The following FAM83F variants were observed in gnomAD, a reference collection of about 807,000 sequenced individuals.
FAM83F encodes the protein protein FAM83F.
FAM83F carries 45 observed loss-of-function variants against 42.9 expected under a neutral mutation model. That is an observed-to-expected ratio of 1.05 (90% CI 0.83 to 1.35). The LOEUF (loss-of-function observed/expected upper bound fraction) is 1.35, where lower values mean the gene tolerates loss of function less well. Among genes scored for constraint, FAM83F ranks in the 40% most tolerant of loss-of-function variants. FAM83F has a pLI of 0.00. For synonymous variants in FAM83F, 306 were observed against 298.3 expected, an observed-to-expected ratio of 1.03 and a Z score of -0.27; for missense variants, 617 against 695.9, an observed-to-expected ratio of 0.89 and a Z score of 1.28.
At chr22:40,020,775 G>A (rs1262418419) in intron 3 of FAM83F, among the ~76,000 whole-genome samples, 2 of 152,180 alleles carry the variant, frequency 1.3e-5, no homozygotes, top group African/African-American at 4.8e-5. Context: ...ACATGAAACA[G>A]TGAATAGCAG....
Position 40,042,294 on chromosome 22 carries a change from T to C in FAM83F, c.*12729T>C, listed in dbSNP as rs1285829523. Reference sequence around the variant, plus strand: ...GGAGGGAAGGCACAATGAGGTGGAGTGGACAAATTGCTGAGGCCTTTATGG... The same window carrying C: ...GGAGGGAAGGCACAATGAGGTGGAGCGGACAAATTGCTGAGGCCTTTATGG... On this transcript the variant is annotated 3_prime_UTR_variant, in exon 5 of 5. Transcript: ENST00000333407. The C allele has an allele frequency of 6.6e-6, 1 of 152,104 alleles. No homozygotes were observed. Among genetic ancestry groups the C allele is most frequent in the African/African-American group, 2.4e-5 (1 of 41,402 alleles). 9.4% of individuals were successfully genotyped at this position (152,104 alleles called of 1,614,324 possible). A position where few individuals can be genotyped will look rare whatever the true frequency, so the allele number is the denominator to read the frequency against.
chr22:40,040,728 A>G lies in FAM83F; in HGVS notation c.*11163A>G, dbSNP rs770523217. 6.6e-6 allele frequency: 1 copy of G among 152,224 alleles called. No homozygotes were observed. The highest frequency in any genetic ancestry group is 6.5e-5 in the Admixed American group (1 of 15,274). 9.4% of individuals were successfully genotyped at this position (152,224 alleles called of 1,614,324 possible). On this transcript the variant is annotated 3_prime_UTR_variant, in exon 5 of 5. Coordinates refer to ENST00000333407, the MANE Select transcript of FAM83F (RefSeq NM_138435.4). The stretch of plus-strand genomic sequence containing the variant: ...GCCTCATTGCTCTTGGTCTTTGGCA[A>G]TGGCTACACCCACTGCCCAAGCAAG...
intron 1 of FAM83F, among the ~76,000 whole-genome samples, chr22:39,997,130 A>T (rs1232889178): frequency 6.6e-6 from 1 of 152,234 alleles, no homozygotes; most frequent in Non-Finnish European, 1.5e-5. Flanking sequence ...TTCCATAGCT[A>T]GTAAGTGGCT....
In FAM83F at chr22:40,032,742, T is replaced by A. The variant is rs977012463; in HGVS notation, c.*3177T>A. 1.1e-4 allele frequency: 16 copies of A among 151,928 alleles called. No individual in the cohort carries two copies. The highest frequency in any genetic ancestry group is 3.1e-4 in the African/African-American group (13 of 41,346). 9.4% of individuals were successfully genotyped at this position (151,928 alleles called of 1,614,324 possible). A position where few individuals can be genotyped will look rare whatever the true frequency, so the allele number is the denominator to read the frequency against. On this transcript the variant is annotated 3_prime_UTR_variant, in exon 5 of 5. Transcript: ENST00000333407. ...CACCACCATGCCTGGCTAATTTTTT[T>A]ATATTTTTATTAGAGACAGGGTTTC...
rs1280746672 is a variant in FAM83F, at chr22:40,023,593, T to C, written c.1453+1630T>C. On this transcript the variant is annotated intron_variant, in intron 4 of 4. Coordinates refer to ENST00000333407, the MANE Select transcript of FAM83F (RefSeq NM_138435.4). This position sits in a 1 kb window ranked among gnomAD's most constrained non-coding sequence, Gnocchi z 4.1. The stretch of plus-strand genomic sequence containing the variant: ...TGGAAACTCAAAGCCCATTGTCTTG[T>C]CCCTTCCCGCTGCCTTCTGCGTGTC... Among the ~76,000 whole-genome samples the C allele has an allele frequency of 6.6e-6, 1 of 152,100 alleles. No individual in the cohort carries two copies. Among genetic ancestry groups the C allele is most frequent in the Non-Finnish European group, 1.5e-5 (1 of 67,990 alleles).
At chr22:40,005,242 A>T (rs971719223) in intron 1 of FAM83F, among the ~76,000 whole-genome samples, 1 of 152,228 alleles carries the variant, frequency 6.6e-6, no homozygotes, top group Non-Finnish European at 1.5e-5. Context: ...CTGTCCATGT[A>T]CTTGAGAGCT....
chr22:40,019,800 C>T, intron 2 of FAM83F, 87 bp from the exon 3 acceptor site: 2 of 1,508,250 alleles, frequency 1.3e-6, no homozygotes, highest in Non-Finnish European at 8.8e-7. Context: ...GGTCCATACA[C>T]AAGGGGGCTC....
At chr22:40,002,563 G>A (rs756079570) in intron 1 of FAM83F, among the ~76,000 whole-genome samples, 8 of 152,130 alleles carry the variant, frequency 5.3e-5, no homozygotes, top group Non-Finnish European at 8.8e-5. Context: ...GGCCACTGGC[G>A]GGTGGAGGGA....
intron 1 of FAM83F, among the ~76,000 whole-genome samples, chr22:40,005,852 G>A (rs2067424721): frequency 6.6e-6 from 1 of 152,166 alleles, no homozygotes; most frequent in African/African-American, 2.4e-5. Context: ...CAAGACAATG[G>A]AACGCGGCCA....
rs1274864590 is a variant in FAM83F at position 40,041,318 on chromosome 22, C to T, written c.*11753C>T. ...GAACAAACAAACAGAAAAATATTTTCCCCAAGTAGCATGCAGAGAGGAAAT... is the reference window on the plus strand; with the variant it reads ...GAACAAACAAACAGAAAAATATTTTTCCCAAGTAGCATGCAGAGAGGAAAT... On this transcript the variant is annotated 3_prime_UTR_variant, in exon 5 of 5. Coordinates refer to ENST00000333407, the MANE Select transcript of FAM83F (RefSeq NM_138435.4). The T allele has an allele frequency of 6.6e-6, 1 of 152,148 alleles. No individual in the cohort carries two copies. The highest frequency in any genetic ancestry group is 2.4e-5 in the African/African-American group (1 of 41,416). 9.4% of individuals were successfully genotyped at this position (152,148 alleles called of 1,614,324 possible).
At chr22:39,996,565 A>G (rs1459715576) in intron 1 of FAM83F, among the ~76,000 whole-genome samples, 1 of 152,196 alleles carries the variant, frequency 6.6e-6, no homozygotes, top group Non-Finnish European at 1.5e-5. Flanking sequence ...CCCAATTCAG[A>G]ATAATACAAC....
At chr22:40,026,510 A>T (rs1203773878) in intron 4 of FAM83F, among the ~76,000 whole-genome samples, 1 of 152,116 alleles carries the variant, frequency 6.6e-6, no homozygotes, top group East Asian at 1.9e-4. Flanking sequence ...ACACAGTAGG[A>T]ATCTGTCTCA....
chr22:40,020,243 C>A (rs757681539), intron 3 of FAM83F, among the ~76,000 whole-genome samples: 12 of 152,084 alleles, frequency 7.9e-5, no homozygotes, highest in Non-Finnish European at 1.6e-4. Flanking sequence ...TTTCATGGTC[C>A]ATTTGCAGCC....
In FAM83F at chr22:40,032,643, A is replaced by C. The variant is rs1446213445; in HGVS notation, c.*3078A>C. 1 of 149,156 alleles carries C rather than the reference A, an allele frequency of 6.7e-6. No individual in the cohort carries two copies. Among genetic ancestry groups the C allele is most frequent in the Non-Finnish European group, 1.5e-5 (1 of 67,616 alleles). The allele number at this position is 149,156 out of a possible 1,614,324, so 9.2% of individuals were successfully genotyped here. On this transcript the variant is annotated 3_prime_UTR_variant, in exon 5 of 5. Coordinates refer to ENST00000333407, the MANE Select transcript of FAM83F (RefSeq NM_138435.4). The stretch of plus-strand genomic sequence containing the variant: ...AGTGCAGTGACAGCGATCTTGGCTC[A>C]CTGCAAGCTCCGCCTCCCGGGTTCA...
At chr22:40,008,387 A>G (rs1432051734) in intron 1 of FAM83F, among the ~76,000 whole-genome samples, 1 of 152,138 alleles carries the variant, frequency 6.6e-6, no homozygotes, top group African/African-American at 2.4e-5. Context: ...GGGCACCTGC[A>G]TTTACCCATC....
chr22:40,009,254 C>T (rs2067451003), intron 1 of FAM83F, among the ~76,000 whole-genome samples: 1 of 151,848 alleles, frequency 6.6e-6, no homozygotes. Flanking sequence ...GTGACTGTCA[C>T]CAAAAGGCCC....
At chr22:39,999,377 G>T (rs1258487086) in intron 1 of FAM83F, among the ~76,000 whole-genome samples, 2 of 152,140 alleles carry the variant, frequency 1.3e-5, no homozygotes, top group Non-Finnish European at 2.9e-5. Context: ...AGAGAACGTT[G>T]CCTTGTGCTT....
intron 1 of FAM83F, among the ~76,000 whole-genome samples, chr22:40,009,411 G>T (rs1478175695): frequency 6.6e-6 from 1 of 152,252 alleles, no homozygotes; most frequent in African/African-American, 2.4e-5. Context: ...GGATGGTGTT[G>T]TCTTTCTCTG....
rs1203624106 is a variant in FAM83F at position 40,007,238 on chromosome 22, CCCTCCTCCTCTCCTCCTCCTTT to C, written c.489+11720_489+11741del. Among the ~76,000 whole-genome samples, 216 of 120,786 alleles carry C rather than the reference CCCTCCTCCTCTCCTCCTCCTTT, an allele frequency of 1.8e-3. 3 individuals are homozygous for C. Among genetic ancestry groups the C allele is most frequent in the African/African-American group, 6.3e-3 (201 of 31,664 alleles). The allele number at this position is 120,786 out of a possible 152,430, so 79.2% of individuals were successfully genotyped here. A position where few individuals can be genotyped will look rare whatever the true frequency, so the allele number is the denominator to read the frequency against. ...CAGCCTCCTCTCCTCTCCTCCCCTC[CCCTCCTCCTCTCCTCCTCCTTT>C]CCTCCTCCTCTCTTCCTCCTTTCCT... On this transcript the variant is annotated intron_variant, in intron 1 of 4. Coordinates refer to ENST00000333407, the MANE Select transcript of FAM83F (RefSeq NM_138435.4).
Sources: gnomAD v4.1 joint callset for allele counts (sites outside exome capture counted in the v4.1 genomes callset) on GRCh38, gnomAD v4.1.1 for gene constraint, Gnocchi (gnomAD v3.1) non-coding constraint, MANE v1.5 for transcripts, NCBI Gene and HGNC (gene_info 2026-07-23, HGNC 2026-07-21) for gene names.